The following RAP1GDS1 variants were observed in gnomAD, a reference collection of about 807,000 sequenced individuals.
RAP1GDS1 encodes the protein Rap1 GTPase-GDP dissociation stimulator 1.
A neutral mutation model predicts 71.1 loss-of-function variants in RAP1GDS1; 35 were observed. The ratio of observed to expected loss-of-function variants is 0.49; its 90% CI spans 0.38 to 0.65. The LOEUF (loss-of-function observed/expected upper bound fraction) is 0.65, where lower values mean the gene tolerates loss of function less well. Among genes scored for constraint, RAP1GDS1 ranks in the 30% least tolerant of loss-of-function variants. RAP1GDS1 has a pLI of 0.00. For synonymous variants in RAP1GDS1, 229 were observed against 243.1 expected (o/e 0.94, Z 0.54); for missense variants, 663 against 706.1 (o/e 0.94, Z 0.69).
At chr4:98,327,362 A>T (rs1560843332) in intron 2 of RAP1GDS1, among the ~76,000 whole-genome samples, 1 of 152,246 alleles carries the variant, frequency 6.6e-6, no homozygotes, top group African/African-American at 2.4e-5. Flanking sequence ...TGAGATAATT[A>T]TCCTTGGCTA....
chr4:98,376,275 T>C (rs983621967), intron 4 of RAP1GDS1, among the ~76,000 whole-genome samples: 1 of 152,084 alleles, frequency 6.6e-6, no homozygotes, highest in African/African-American at 2.4e-5. Flanking sequence ...CTGTTACTTA[T>C]GAGAAGAGTG....
chr4:98,379,176 G>A lies in RAP1GDS1; in HGVS notation c.508+13G>A. 6.4e-7 allele frequency: 1 copy of A among 1,554,376 alleles called. No individual in the cohort carries two copies. Among genetic ancestry groups the A allele is most frequent in the Non-Finnish European group, 8.7e-7 (1 of 1,154,624 alleles). ...AGCAATGAGAATGGTAAACAAAACT[G>A]AAAACTTGCTTTATCTCTGGGGGAA... On this transcript the variant is annotated intron_variant, in intron 5 of 14. Coordinates refer to ENST00000408927, the MANE Select transcript of RAP1GDS1 (RefSeq NM_001100427.2).
intron 7 of RAP1GDS1, among the ~76,000 whole-genome samples, chr4:98,410,753 A>G (rs1456382634): frequency 1.3e-5 from 2 of 152,032 alleles, no homozygotes; most frequent in Admixed American, 6.6e-5. Context: ...AAAAATACAT[A>G]TTGTATGATT....
At chr4:98,305,765 G>T (rs1729225886) in intron 2 of RAP1GDS1, among the ~76,000 whole-genome samples, 1 of 152,146 alleles carries the variant, frequency 6.6e-6, no homozygotes, top group African/African-American at 2.4e-5. Flanking sequence ...ATTTGTAGTT[G>T]GTGATTGAAG....
chr4:98,343,969 A>G (rs1164903069), intron 3 of RAP1GDS1, among the ~76,000 whole-genome samples: 1 of 152,180 alleles, frequency 6.6e-6, no homozygotes, highest in Non-Finnish European at 1.5e-5. Flanking sequence ...TCAGTTTTAC[A>G]TTATTTTTTA....
chr4:98,354,405 T>G (rs1335903142), intron 4 of RAP1GDS1, among the ~76,000 whole-genome samples: 1 of 152,240 alleles, frequency 6.6e-6, no homozygotes, highest in African/African-American at 2.4e-5. Context: ...TGTTCTTGAA[T>G]TATACATTGT....
intron 1 of RAP1GDS1, among the ~76,000 whole-genome samples, chr4:98,287,814 A>G (rs1211543191): frequency 6.6e-6 from 1 of 152,060 alleles, no homozygotes; most frequent in Non-Finnish European, 1.5e-5. Flanking sequence ...TGTGTACATA[A>G]TGTATGTTCA....
intron 12 of RAP1GDS1, among the ~76,000 whole-genome samples, chr4:98,428,326 G>A (rs1451882379): frequency 6.6e-6 from 1 of 152,100 alleles, no homozygotes; most frequent in African/African-American, 2.4e-5. Context: ...CAAAGCAAAT[G>A]CAATAAAAAC....
At chr4:98,419,532 C>T (rs1265586751) in intron 10 of RAP1GDS1, among the ~76,000 whole-genome samples, 1 of 152,108 alleles carries the variant, frequency 6.6e-6, no homozygotes, top group African/African-American at 2.4e-5. Flanking sequence ...ATAGTTAAAA[C>T]TATTCTTTTA....
At chr4:98,335,623 A>C (rs966387551) in intron 2 of RAP1GDS1, among the ~76,000 whole-genome samples, 3 of 152,006 alleles carry the variant, frequency 2.0e-5, no homozygotes, top group African/African-American at 7.2e-5. Flanking sequence ...TTATCTTTGA[A>C]TGTTTATCAT....
At chr4:98,437,933 T>G (rs1191718459) in intron 14 of RAP1GDS1, among the ~76,000 whole-genome samples, 1 of 152,154 alleles carries the variant, frequency 6.6e-6, no homozygotes, top group East Asian at 1.9e-4. Flanking sequence ...TAAATGTGAA[T>G]TTGATTCTGT....
intron 3 of RAP1GDS1, among the ~76,000 whole-genome samples, chr4:98,350,734 A>C (rs1218508667): frequency 6.6e-6 from 1 of 152,114 alleles, no homozygotes; most frequent in Non-Finnish European, 1.5e-5. Flanking sequence ...GCTACTCGGG[A>C]GGCTGAGGCA....
chr4:98,433,385 T>A (rs1561013421), intron 12 of RAP1GDS1, among the ~76,000 whole-genome samples: 1 of 151,922 alleles, frequency 6.6e-6, no homozygotes, highest in Non-Finnish European at 1.5e-5. Flanking sequence ...AGCCTTGAGC[T>A]CCCTGGCTCA....
chr4:98,325,703 A>T (rs1732928572), intron 2 of RAP1GDS1, among the ~76,000 whole-genome samples: 1 of 145,698 alleles, frequency 6.9e-6, no homozygotes, highest in Non-Finnish European at 1.5e-5. Context: ...ATTCTCACTC[A>T]TAGGTGGGAA....
chr4:98,327,568 T>TTTTTTG (rs1439620590), intron 2 of RAP1GDS1, among the ~76,000 whole-genome samples: 1 of 152,198 alleles, frequency 6.6e-6, no homozygotes, highest in East Asian at 1.9e-4. Context: ...TTGTTAGGAT[T>TTTTTTG]TTTTTGTTTT....
chr4:98,299,372 G>A (rs1728246589), intron 2 of RAP1GDS1, among the ~76,000 whole-genome samples: 1 of 152,166 alleles, frequency 6.6e-6, no homozygotes, highest in Non-Finnish European at 1.5e-5. Context: ...AAACATACGT[G>A]TGCATGTGTC....
At chr4:98,306,303 G>A (rs943980523) in intron 2 of RAP1GDS1, among the ~76,000 whole-genome samples, 3 of 152,196 alleles carry the variant, frequency 2.0e-5, no homozygotes, top group Non-Finnish European at 4.4e-5. Context: ...TAGGTTCAGA[G>A]TCCGGTGACA....
intron 2 of RAP1GDS1, among the ~76,000 whole-genome samples, chr4:98,305,958 G>A (rs1455999868): frequency 6.6e-6 from 1 of 152,192 alleles, no homozygotes; most frequent in African/African-American, 2.4e-5. Flanking sequence ...GCCAGTCTCA[G>A]TATTTATAGT....
In RAP1GDS1 at chr4:98,421,513, G is replaced by A; in HGVS notation, c.1440+119G>A. ...CCTGAAAGTATTGTGAAGATTCAGT[G>A]AGATCATGTATATAATGTGCTTAGC... On this transcript the variant is annotated intron_variant, in intron 12 of 14. Transcript: ENST00000408927. 2 of 1,126,696 alleles carry A rather than the reference G, an allele frequency of 1.8e-6. 1 individual carries two copies. Among genetic ancestry groups the A allele is most frequent in the Non-Finnish European group, 2.4e-6 (2 of 844,108 alleles). 69.8% of individuals were successfully genotyped at this position (1,126,696 alleles called of 1,614,324 possible).
Sources: allele counts gnomAD v4.1 joint callset (sites outside exome capture counted in the v4.1 genomes callset), GRCh38; gene constraint gnomAD v4.1.1; transcripts MANE v1.5; gene names NCBI Gene and HGNC (gene_info 2026-07-23, HGNC 2026-07-21).